Variants in DMD observed in about 807,000 individuals in gnomAD.
DMD encodes the protein dystrophin.
DMD carries 63 observed loss-of-function variants against 330.1 expected under a neutral mutation model. The observed-to-expected ratio is 0.19, with a 90% CI of 0.16 to 0.24. The LOEUF (loss-of-function observed/expected upper bound fraction) is 0.24. DMD is among the 10% of genes least tolerant of loss of function. The pLI is 1.00. For missense variants in DMD, 3,344 were observed against 2,684.1 expected, an observed-to-expected ratio of 1.25 and a Z score of -5.43; for synonymous variants, 1,223 against 959.8, an observed-to-expected ratio of 1.27 and a Z score of -5.07.
At chrX:33,238,974 T>C in intron 1 of DMD, among the ~76,000 whole-genome samples, 1 of 110,810 alleles carries the variant, frequency 9.0e-6, no homozygotes, top group East Asian at 2.8e-4. Context: ...TGTTGAATAC[T>C]GGCCGGGTGT....
In DMD at chrX:32,591,318, T is replaced by A. The variant is rs754025016; in HGVS notation, c.1602+4439A>T. On this transcript the variant is annotated intron_variant, in intron 13 of 78. Coordinates refer to ENST00000357033, the MANE Select transcript of DMD (RefSeq NM_004006.3). ...ATACATCTATAGTTGGCTCTCAACT[T>A]TTAACTTGTACAGAATAACATACCT... Among the ~76,000 whole-genome samples the A allele has an allele frequency of 4.5e-5, 5 of 112,215 alleles. No homozygotes were observed. In the East Asian group the frequency reaches 1.1e-3, roughly 25 times the overall value.
At chrX:32,062,907 T>C (rs757317998) in intron 44 of DMD, among the ~76,000 whole-genome samples, 17 of 104,646 alleles carry the variant, frequency 1.6e-4, no homozygotes, top group Non-Finnish European at 3.1e-4. Flanking sequence ...TAGAAACTGA[T>C]TATTGAAAGG....
intron 44 of DMD, among the ~76,000 whole-genome samples, chrX:32,127,359 A>G (rs1041185791): frequency 9.0e-6 from 1 of 111,719 alleles, no homozygotes; most frequent in Non-Finnish European, 1.9e-5. Flanking sequence ...AGGACCTGAA[A>G]GCCATTCTTT....
At chrX:31,429,990 C>T (rs1383464069) in intron 60 of DMD, among the ~76,000 whole-genome samples, 4 of 110,655 alleles carry the variant, frequency 3.6e-5, no homozygotes, top group African/African-American at 9.9e-5. Context: ...GCATAGTGCC[C>T]GGAGAAGGAT....
rs773978850 is a variant in DMD at position 33,285,746 on chromosome X, T to C, written c.7+53513A>G. Among the ~76,000 whole-genome samples the C allele has an allele frequency of 4.5e-5, 5 of 112,027 alleles. No homozygotes were observed. The South Asian group carries it at 1.9e-3, about 42-fold the overall frequency. ...AAACAGATGCACTTCCTAAAATACT[T>C]TACCTGAGACTCATAAAATGAGAAT... On this transcript the variant is annotated intron_variant, in intron 1 of 17. Coordinates refer to the DMD transcript ENST00000288447.
intron 43 of DMD, among the ~76,000 whole-genome samples, chrX:32,228,720 G>T (rs1310621948): frequency 1.8e-5 from 2 of 111,708 alleles, no homozygotes; most frequent in East Asian, 5.6e-4. Context: ...TAGTCCACAT[G>T]AAGAGGATAT....
intron 1 of DMD, among the ~76,000 whole-genome samples, chrX:33,258,285 A>G (rs1044936345): frequency 3.6e-5 from 4 of 111,312 alleles, no homozygotes; most frequent in African/African-American, 1.3e-4. Context: ...ATTGTTTTAC[A>G]CAATGTCATT....
At chrX:31,240,937 C>G (rs1478331717) in intron 63 of DMD, among the ~76,000 whole-genome samples, 1 of 110,717 alleles carries the variant, frequency 9.0e-6, no homozygotes, top group Admixed American at 9.7e-5. Context: ...CTTTCCTAAG[C>G]TTCATTTTTT....
chrX:33,329,440 G>T (rs1017453680), intron 1 of DMD, among the ~76,000 whole-genome samples: 3 of 111,960 alleles, frequency 2.7e-5, no homozygotes, highest in African/African-American at 9.7e-5. Flanking sequence ...ATGCATATGT[G>T]CAGTAAATTT....
Position 31,660,229 on chromosome X carries a change from G to A in DMD, c.7873-2085C>T, listed in dbSNP as rs143929941. ...ATTACAAAACAATTAACATTTATCC[G>A]CGTGGAATGCCTGCCTTTTCTTCCA... On this transcript the variant is annotated intron_variant, in intron 53 of 78. Coordinates refer to ENST00000357033, the MANE Select transcript of DMD (RefSeq NM_004006.3). Among the ~76,000 whole-genome samples the A allele has an allele frequency of 6.7e-3, 749 of 111,997 alleles. 3 individuals carry two copies. The highest frequency in any genetic ancestry group is 0.023 in the African/African-American group (711 of 30,846).
chrX:32,882,429 A>C (rs971450896), intron 2 of DMD, among the ~76,000 whole-genome samples: 1 of 112,283 alleles, frequency 8.9e-6, no homozygotes, highest in African/African-American at 3.2e-5. Flanking sequence ...ACCCTGGCTG[A>C]CACATCATCC....
Position 32,614,316 on chromosome X carries a change from A to C in DMD, c.1469T>G (p.Val490Gly). The stretch of plus-strand genomic sequence containing the variant: ...AGATACACCTACCTTATGTTGTTGT[A>C]CTTGGCGTTTTAGGTCTTCAAGATC... ...GPDLEDLKRQVQQHKVLQEDL... is the reference protein window; with the variant it reads ...GPDLEDLKRQGQQHKVLQEDL... Residue 490 changes from valine (V) to glycine (G), a missense_variant, in exon 12 of 79, where the codon GTA becomes GGA. Val to Gly is a moderately radical substitution (Grantham distance 109). Coordinates refer to ENST00000357033, the MANE Select transcript of DMD (RefSeq NM_004006.3). The C allele has an allele frequency of 8.3e-7, 1 of 1,208,442 alleles. No homozygotes were observed. Among genetic ancestry groups the C allele is most frequent in the African/African-American group, 1.7e-5 (1 of 57,342 alleles).
chrX:32,749,129 A>G (rs2148266065), intron 7 of DMD, among the ~76,000 whole-genome samples: 1 of 112,108 alleles, frequency 8.9e-6, no homozygotes. Flanking sequence ...TACTAGACTG[A>G]TTAGTAAATG....
At chrX:32,020,686 G>C (rs2095800342) in intron 44 of DMD, among the ~76,000 whole-genome samples, 1 of 111,987 alleles carries the variant, frequency 8.9e-6, no homozygotes, top group Non-Finnish European at 1.9e-5. Flanking sequence ...TCAACTTCCG[G>C]AACTGCAAGA....
intron 25 of DMD, 30 bp from the exon 26 acceptor site, chrX:32,454,862 T>C (rs1377966556): frequency 1.2e-5 from 14 of 1,191,062 alleles, no homozygotes; most frequent in Non-Finnish European, 9.1e-6. Context: ...CAAAACACGA[T>C]TATTGACAGT....
At chrX:31,516,385 ATC>A (rs1321111206) in intron 55 of DMD, among the ~76,000 whole-genome samples, 1 of 110,743 alleles carries the variant, frequency 9.0e-6, no homozygotes, top group East Asian at 2.8e-4. Flanking sequence ...CAGGATTCTA[ATC>A]TAACCACCGG....
intron 2 of DMD, among the ~76,000 whole-genome samples, chrX:33,009,545 C>T (rs1294632790): frequency 1.3e-5 from 1 of 79,931 alleles, no homozygotes; most frequent in Admixed American, 1.3e-4. Flanking sequence ...TGTGTATATA[C>T]ACATATGTGT....
chrX:31,490,544 G>A (rs553377001), intron 57 of DMD, among the ~76,000 whole-genome samples: 7 of 110,746 alleles, frequency 6.3e-5, no homozygotes, highest in African/African-American at 2.0e-4. Flanking sequence ...CTGCAGGCGA[G>A]ACTCCATCTC....
At chrX:32,981,957 T>A (rs2092717911) in intron 2 of DMD, among the ~76,000 whole-genome samples, 1 of 111,747 alleles carries the variant, frequency 8.9e-6, no homozygotes, top group African/African-American at 3.2e-5. Context: ...TAAATGCAGA[T>A]AAAGAAGATA....
Sources: gnomAD v4.1 joint callset for allele counts (sites outside exome capture counted in the v4.1 genomes callset) on GRCh38, gnomAD v4.1.1 for gene constraint, MANE v1.5 for transcripts, NCBI Gene and HGNC (gene_info 2026-07-23, HGNC 2026-07-21) for gene names.